Variants in CNTN5 observed in about 807,000 individuals in gnomAD.
The protein encoded by CNTN5 is contactin-5.
A neutral mutation model predicts 129.1 loss-of-function variants in CNTN5; 77 were observed. The ratio of observed to expected loss-of-function variants is 0.60; its 90% CI spans 0.50 to 0.72. The LOEUF is 0.72. CNTN5 is among the 30% of genes least tolerant of loss of function. The pLI is 0.00. For missense variants in CNTN5, 1,478 were observed against 1,328.8 expected (o/e 1.11, Z -1.75); for synonymous variants, 509 against 465.6 (o/e 1.09, Z -1.20).
chr11:99,389,970 T>C (rs1160148046), intron 2 of CNTN5, among the ~76,000 whole-genome samples: 1 of 152,192 alleles, frequency 6.6e-6, no homozygotes, highest in South Asian at 2.1e-4. Context: ...CTCAACTCTT[T>C]GTCCAGTCCT....
At chr11:99,389,954 A>G in intron 2 of CNTN5, among the ~76,000 whole-genome samples, 1 of 152,152 alleles carries the variant, frequency 6.6e-6, no homozygotes, top group East Asian at 1.9e-4. Context: ...AAGCTAGTTT[A>G]TCATTCTCAA....
chr11:99,875,143 A>G (rs1027996388), intron 6 of CNTN5, among the ~76,000 whole-genome samples: 1 of 152,180 alleles, frequency 6.6e-6, no homozygotes, highest in Non-Finnish European at 1.5e-5. Context: ...GAACATCTGT[A>G]TCCCTTTACC....
chr11:99,787,414 T>C (rs1945571748), intron 3 of CNTN5, among the ~76,000 whole-genome samples: 1 of 151,648 alleles, frequency 6.6e-6, no homozygotes, highest in South Asian at 2.1e-4. Context: ...TTTTAAAACA[T>C]TACTTATAAG....
At chr11:99,588,177 A>T (rs1430923965) in intron 3 of CNTN5, among the ~76,000 whole-genome samples, 1 of 152,074 alleles carries the variant, frequency 6.6e-6, no homozygotes, top group Non-Finnish European at 1.5e-5. Context: ...CCCCGTCTCT[A>T]CTAAAACACA....
At chr11:99,289,052 A>T (rs1209197127) in intron 1 of CNTN5, among the ~76,000 whole-genome samples, 2 of 151,800 alleles carry the variant, frequency 1.3e-5, no homozygotes, top group Non-Finnish European at 3.0e-5. Flanking sequence ...TTTTTCTTAA[A>T]GATTTATTTT....
chr11:99,698,983 T>G (rs1954397097), intron 3 of CNTN5, among the ~76,000 whole-genome samples: 1 of 150,546 alleles, frequency 6.6e-6, no homozygotes, highest in Admixed American at 6.6e-5. Flanking sequence ...AGCATAAAAA[T>G]TAAAACTTTT....
chr11:99,686,583 T>TC (rs1953804665), intron 3 of CNTN5, among the ~76,000 whole-genome samples: 1 of 152,168 alleles, frequency 6.6e-6, no homozygotes, highest in African/African-American at 2.4e-5. Context: ...AAGTTTTTTT[T>TC]CCGGAACTTT....
intron 1 of CNTN5, among the ~76,000 whole-genome samples, chr11:99,036,621 A>C (rs1169346414): frequency 1.3e-5 from 2 of 152,142 alleles, no homozygotes; most frequent in African/African-American, 4.8e-5. Flanking sequence ...TTGAGAAGGT[A>C]CACTTAAAAT....
intron 1 of CNTN5, among the ~76,000 whole-genome samples, chr11:99,153,546 T>C (rs1860178694): frequency 6.6e-6 from 1 of 152,002 alleles, no homozygotes; most frequent in Non-Finnish European, 1.5e-5. Context: ...TATTGTTTTA[T>C]TGTATTCCAT....
At chr11:100,313,774 G>A (rs1202464592) in intron 21 of CNTN5, among the ~76,000 whole-genome samples, 1 of 152,084 alleles carries the variant, frequency 6.6e-6, no homozygotes, top group Non-Finnish European at 1.5e-5. Context: ...GCATTTAGAA[G>A]TTGAGCTGAA....
chr11:99,871,475 A>G (rs1948501154), intron 6 of CNTN5, among the ~76,000 whole-genome samples: 1 of 152,078 alleles, frequency 6.6e-6, no homozygotes, highest in Non-Finnish European at 1.5e-5. Flanking sequence ...ATTAATCATC[A>G]GGCTGGTGTT....
At chr11:100,035,022 C>A (rs1316589763) in intron 9 of CNTN5, among the ~76,000 whole-genome samples, 1 of 151,964 alleles carries the variant, frequency 6.6e-6, no homozygotes, top group Non-Finnish European at 1.5e-5. Context: ...GCGCAACGTG[C>A]AGGTTTGTTA....
intron 1 of CNTN5, among the ~76,000 whole-genome samples, chr11:99,136,235 G>A (rs3935219): frequency 0.9 from 136,655 of 151,758 alleles, 61,728 homozygotes; most frequent in East Asian, 0.99. Flanking sequence ...GTCCAACTGC[G>A]AAAACCCTCC....
At chr11:99,694,401 A>G (rs1216151147) in intron 3 of CNTN5, among the ~76,000 whole-genome samples, 2 of 152,182 alleles carry the variant, frequency 1.3e-5, no homozygotes, top group Non-Finnish European at 2.9e-5. Flanking sequence ...AAAAATAAGT[A>G]TCATGTAGCC....
At chr11:99,975,163 G>T (rs577692760) in intron 8 of CNTN5, among the ~76,000 whole-genome samples, 26 of 152,302 alleles carry the variant, frequency 1.7e-4, no homozygotes, top group African/African-American at 6.0e-4. Context: ...GGCAAAGGAG[G>T]AAAAGTTTTT....
At chr11:99,669,746 G>T (rs1952958313) in intron 3 of CNTN5, among the ~76,000 whole-genome samples, 2 of 152,150 alleles carry the variant, frequency 1.3e-5, no homozygotes, top group East Asian at 3.9e-4. Context: ...CTAGAATTCC[G>T]TGATTCTGAT....
rs116668692 is a variant in CNTN5, at chr11:99,884,854, G to T, written c.578-31200G>T. ...TAGCTGGGTGTGATGGCATGTGCTT[G>T]TAGTCCCAGCTACTCGGTTGGCTGA... On this transcript the variant is annotated intron_variant, in intron 6 of 24. Transcript: ENST00000524871. 9.4e-3 allele frequency among the ~76,000 whole-genome samples: 1,424 copies of T among 152,224 alleles called. 24 individuals carry two copies. The highest frequency in any genetic ancestry group is 0.033 in the African/African-American group (1,369 of 41,524).
chr11:100,254,889 CT>C (rs1840880459), intron 16 of CNTN5, among the ~76,000 whole-genome samples: 1 of 152,182 alleles, frequency 6.6e-6, no homozygotes, highest in Non-Finnish European at 1.5e-5. Context: ...AATGGAAGAA[CT>C]GGCATTGCTT....
At chr11:99,933,066 T>C (rs146202260) in intron 7 of CNTN5, among the ~76,000 whole-genome samples, 21 of 152,306 alleles carry the variant, frequency 1.4e-4, no homozygotes, top group Admixed American at 3.9e-4. Context: ...CTAAAGCAAA[T>C]AATGAGGCCT....
Sources: gnomAD v4.1 joint callset for allele counts (sites outside exome capture counted in the v4.1 genomes callset) on GRCh38, gnomAD v4.1.1 for gene constraint, MANE v1.5 for transcripts, NCBI Gene and HGNC (gene_info 2026-07-23, HGNC 2026-07-21) for gene names.